The following PSEN1 variants were observed in gnomAD, a reference collection of about 807,000 sequenced individuals.
PSEN1 encodes the protein presenilin 1.
Under a neutral mutation model 53.5 loss-of-function variants are expected in PSEN1, and 15 were observed. The ratio of observed to expected loss-of-function variants is 0.28; its 90% CI spans 0.19 to 0.43. The LOEUF is 0.43. PSEN1 is among the 20% of genes least tolerant of loss of function. The probability of loss-of-function intolerance (pLI) is 1.00; values close to 1 mark genes in which losing one functional copy is unlikely to be tolerated. For synonymous variants in PSEN1, 208 were observed against 209.8 expected (o/e 0.99, Z 0.08); for missense variants, 387 against 571.2 (o/e 0.68, Z 3.29).
At position 73,221,308 on chromosome 14, in the gene PSEN1, C is replaced by G. The variant is rs550067518; in HGVS notation, c.*2019C>G. 1.3e-5 allele frequency: 2 copies of G among 152,316 alleles called. No individual in the cohort carries two copies. The highest frequency in any genetic ancestry group is 3.9e-4 in the East Asian group (2 of 5,186). The allele number at this position is 152,316 out of a possible 1,614,324, so 9.4% of individuals were successfully genotyped here. ...AGCATGGGTATTATCATTGAGAAAG[C>G]ACAGCTACAGCAAAGCCACCTGAAT... On this transcript the variant is annotated 3_prime_UTR_variant, in exon 12 of 12. Transcript: ENST00000324501.
At chr14:73,150,842 G>C (rs1040932018) in intron 3 of PSEN1, among the ~76,000 whole-genome samples, 1 of 151,486 alleles carries the variant, frequency 6.6e-6, no homozygotes, top group Non-Finnish European at 1.5e-5. Context: ...GGCCGAGGAG[G>C]GCGGATCACG....
At chr14:73,174,500 C>CTGGGA (rs201071856) in intron 5 of PSEN1, among the ~76,000 whole-genome samples, 2,449 of 152,288 alleles carry the variant, frequency 0.016, 49 homozygotes, top group East Asian at 0.049. Context: ...TCCCAAAGTG[C>CTGGGA]TGGGATTACA....
intron 1 of PSEN1, among the ~76,000 whole-genome samples, chr14:73,138,354 G>T (rs1328619182): frequency 6.6e-6 from 1 of 151,622 alleles, no homozygotes; most frequent in Non-Finnish European, 1.5e-5. Flanking sequence ...CAGCAGCTGG[G>T]ACTACAGGCG....
At chr14:73,186,107 G>A (rs1021451504) in intron 5 of PSEN1, among the ~76,000 whole-genome samples, 2 of 152,172 alleles carry the variant, frequency 1.3e-5, no homozygotes, top group Non-Finnish European at 2.9e-5. Context: ...TGTTGGCTAG[G>A]TGCGGTGGCA....
chr14:73,147,937 A>T, intron 2 of PSEN1, 30 bp from the exon 3 acceptor site: 1 of 1,062,574 alleles, frequency 9.4e-7, no homozygotes, highest in Non-Finnish European at 1.5e-6. Context: ...ATTGTAGTGC[A>T]CAAAGTTCTG....
intron 8 of PSEN1, among the ~76,000 whole-genome samples, chr14:73,199,715 A>G (rs1363356177): frequency 6.6e-6 from 1 of 152,172 alleles, no homozygotes; most frequent in Non-Finnish European, 1.5e-5. Flanking sequence ...CAGTAATATG[A>G]AAGTATCAAT....
rs748260962 is a variant in PSEN1, at chr14:73,183,644, CAGA to C, written c.481-3203_481-3201del. Among the ~76,000 whole-genome samples the C allele has an allele frequency of 5.2e-4, 79 of 152,116 alleles. 1 individual carries two copies. The highest frequency in any genetic ancestry group is 1.0e-3 in the Non-Finnish European group (70 of 67,980). On this transcript the variant is annotated intron_variant, in intron 5 of 11. Coordinates refer to ENST00000324501, the MANE Select transcript of PSEN1 (RefSeq NM_000021.4). Reference sequence around the variant, plus strand: ...GTCACAGATCAACAGGATCCCAAGGCAGAAGAAGTTTTCTTAGTACAGAACAAA... The same window carrying C: ...GTCACAGATCAACAGGATCCCAAGGCAGAAGTTTTCTTAGTACAGAACAAA...
intron 3 of PSEN1, among the ~76,000 whole-genome samples, chr14:73,149,803 G>A (rs372038674): frequency 2.0e-5 from 3 of 152,250 alleles, no homozygotes; most frequent in East Asian, 1.9e-4. Context: ...GTTTAACTTC[G>A]AGTACTATTA....
intron 1 of PSEN1, 42 bp from the exon 2 acceptor site, chr14:73,147,753 G>A (rs187665814): frequency 3.2e-4 from 149 of 471,028 alleles, no homozygotes; most frequent in African/African-American, 2.7e-3. Flanking sequence ...AATTTACTAG[G>A]ATTTAACTAA....
In PSEN1 at chr14:73,196,474, A is replaced by ATTT. The variant is rs35294154; in HGVS notation, c.770-1534_770-1532dup. On this transcript the variant is annotated intron_variant, in intron 7 of 11. Coordinates refer to ENST00000324501, the MANE Select transcript of PSEN1 (RefSeq NM_000021.4). ...AGACATGACCACTTTGAGGCATGAA[A>ATTT]TTTTTTTTTTTTTTTTTTTTTTTTT... 2.7e-3 allele frequency among the ~76,000 whole-genome samples: 275 copies of ATTT among 102,190 alleles called. 1 individual carries two copies. The highest frequency in any genetic ancestry group is 4.1e-3 in the African/African-American group (104 of 25,430). The allele number at this position is 102,190 out of a possible 152,430, so 67.0% of individuals were successfully genotyped here. A position where few individuals can be genotyped will look rare whatever the true frequency, so the allele number is the denominator to read the frequency against.
chr14:73,157,587 C>T (rs74653211), intron 3 of PSEN1, among the ~76,000 whole-genome samples: 3,682 of 152,264 alleles, frequency 0.024, 155 homozygotes, highest in African/African-American at 0.081. Flanking sequence ...TCCATTACCT[C>T]CAGAAGTTTC....
chr14:73,181,485 G>A (rs1390253369), intron 5 of PSEN1, among the ~76,000 whole-genome samples: 5 of 152,178 alleles, frequency 3.3e-5, no homozygotes, highest in Admixed American at 2.0e-4. Context: ...CACGCCAGGT[G>A]CAGTGGCACG....
chr14:73,185,567 C>A (rs1898474555), intron 5 of PSEN1, among the ~76,000 whole-genome samples: 1 of 152,026 alleles, frequency 6.6e-6, no homozygotes, highest in Admixed American at 6.6e-5. Flanking sequence ...TTCGGCTCAG[C>A]ATGAGAGGGA....
chr14:73,158,783 A>G (rs1462377756), intron 3 of PSEN1, among the ~76,000 whole-genome samples: 1 of 152,210 alleles, frequency 6.6e-6, no homozygotes, highest in African/African-American at 2.4e-5. Context: ...TTTTTAAGGT[A>G]CTACCAAAGA....
chr14:73,206,797 A>G (rs980007246), intron 9 of PSEN1, among the ~76,000 whole-genome samples: 4 of 152,190 alleles, frequency 2.6e-5, no homozygotes, highest in Non-Finnish European at 5.9e-5. Context: ...AGAAAAAATA[A>G]ACTCTCTCCA....
intron 10 of PSEN1, among the ~76,000 whole-genome samples, chr14:73,213,500 G>A (rs362381): frequency 0.015 from 2,282 of 152,086 alleles, 58 homozygotes; most frequent in African/African-American, 0.051. Context: ...AAGTAATAAC[G>A]GACGTGCTTC....
At chr14:73,202,463 T>TATATATATATATATA (rs1491391826) in intron 8 of PSEN1, among the ~76,000 whole-genome samples, 1 of 10,258 alleles carries the variant, frequency 9.7e-5, no homozygotes, top group Non-Finnish European at 1.6e-4. Context: ...TATATATATA[T>TATATATATATATATA]TTTTTTTTTT....
intron 8 of PSEN1, among the ~76,000 whole-genome samples, chr14:73,205,905 GTTTT>G (rs1278852093): frequency 6.6e-6 from 1 of 152,130 alleles, no homozygotes; most frequent in East Asian, 1.9e-4. Context: ...TGCTTTTAAC[GTTTT>G]TTCTCACGCC....
intron 5 of PSEN1, among the ~76,000 whole-genome samples, chr14:73,182,054 G>T (rs1898232828): frequency 6.6e-6 from 1 of 152,192 alleles, no homozygotes. Flanking sequence ...GATAACAGGC[G>T]TGAGCCACTG....
Sources: allele counts gnomAD v4.1 joint callset (sites outside exome capture counted in the v4.1 genomes callset), GRCh38; gene constraint gnomAD v4.1.1; transcripts MANE v1.5; gene names NCBI Gene and HGNC (gene_info 2026-07-23, HGNC 2026-07-21).